Variants in KSR1 observed in about 807,000 individuals in gnomAD.
The protein encoded by KSR1 is kinase suppressor of ras 1, also known as kinase suppressor of ras.
A neutral mutation model predicts 92.9 loss-of-function variants in KSR1; 35 were observed. That is an observed-to-expected ratio of 0.38 (90% CI 0.29 to 0.50). KSR1 has a LOEUF of 0.50. Among genes scored for constraint, KSR1 ranks in the 20% least tolerant of loss-of-function variants. The probability of loss-of-function intolerance (pLI) is 0.94; values close to 1 mark genes in which losing one functional copy is unlikely to be tolerated. For missense variants in KSR1, 972 were observed against 1,158.5 expected (o/e 0.84, Z 2.34); for synonymous variants, 467 against 472.6 (o/e 0.99, Z 0.15).
chr17:27,576,661 G>A (rs757683312), intron 2 of KSR1, among the ~76,000 whole-genome samples: 43 of 152,190 alleles, frequency 2.8e-4, no homozygotes, highest in Non-Finnish European at 6.0e-4. Context: ...CGTCTCCGGT[G>A]GGATGGAGCT....
intron 1 of KSR1, among the ~76,000 whole-genome samples, chr17:27,542,331 G>T (rs974461120): frequency 1.2e-4 from 18 of 152,150 alleles, no homozygotes; most frequent in Non-Finnish European, 2.4e-4. Context: ...CTGTGCCTTG[G>T]ATTCATTTAC....
intron 6 of KSR1, among the ~76,000 whole-genome samples, chr17:27,589,676 C>G (rs2073096487): frequency 6.6e-6 from 1 of 152,206 alleles, no homozygotes; most frequent in Admixed American, 6.5e-5. Flanking sequence ...TATTTCTGCT[C>G]TTAGGCCTCC....
chr17:27,482,340 G>A (rs1164779365), intron 1 of KSR1, among the ~76,000 whole-genome samples: 2 of 152,202 alleles, frequency 1.3e-5, no homozygotes, highest in Non-Finnish European at 2.9e-5. Context: ...GCAAGGAGAA[G>A]CCCCCATCTT....
chr17:27,490,545 C>T (rs534920639), intron 1 of KSR1, among the ~76,000 whole-genome samples: 17 of 151,916 alleles, frequency 1.1e-4, no homozygotes, highest in Non-Finnish European at 1.9e-4. Context: ...GTAGGAGGAT[C>T]AGGGGTGGGG....
intron 1 of KSR1, among the ~76,000 whole-genome samples, chr17:27,473,450 G>T (rs1162265396): frequency 6.6e-6 from 1 of 152,226 alleles, no homozygotes; most frequent in Non-Finnish European, 1.5e-5. Flanking sequence ...GCCATTCGCA[G>T]AAAGGAGGCT....
intron 19 of KSR1, 140 bp from the exon 20 acceptor site, chr17:27,621,053 G>A (rs1283994596): frequency 5.0e-6 from 2 of 396,912 alleles, no homozygotes; most frequent in Non-Finnish European, 8.9e-6. Context: ...TTCGGGGGGT[G>A]GCGGATGTGC....
intron 2 of KSR1, among the ~76,000 whole-genome samples, chr17:27,558,980 G>A (rs143838397): frequency 6.6e-6 from 1 of 152,314 alleles, no homozygotes; most frequent in Admixed American, 6.5e-5. Flanking sequence ...GTTTGTGTGT[G>A]CAGCCGTCTG....
intron 17 of KSR1, chr17:27,611,240 G>C (rs2073907239): frequency 2.0e-6 from 1 of 496,770 alleles, no homozygotes; most frequent in East Asian, 3.4e-5. Context: ...TTTGTGCTGA[G>C]GTCAGAATGA....
Position 27,592,645 on chromosome 17 carries a change from G to T in KSR1, c.1299+19G>T. ...AAAGAAGGTACGCTGGGTAATGCTG[G>T]GGAGGACGCCCTTCTGCCACTGGCC... is the stretch of plus-strand genomic sequence containing the variant. On this transcript the variant is annotated intron_variant, in intron 9 of 20. Transcript: ENST00000644974. The T allele has an allele frequency of 6.2e-7, 1 of 1,602,322 alleles. No homozygotes were observed. Among genetic ancestry groups the T allele is most frequent in the East Asian group, 2.2e-5 (1 of 44,690 alleles).
chr17:27,536,086 A>G (rs934035914), intron 1 of KSR1, among the ~76,000 whole-genome samples: 1 of 152,240 alleles, frequency 6.6e-6, no homozygotes, highest in Non-Finnish European at 1.5e-5. Context: ...GTTGGCAAGC[A>G]TAGGGTTCCC....
intron 1 of KSR1, among the ~76,000 whole-genome samples, chr17:27,499,487 G>T (rs2069103271): frequency 6.6e-6 from 1 of 152,252 alleles, no homozygotes; most frequent in Non-Finnish European, 1.5e-5. Context: ...AGTCTGCTAA[G>T]GCTGGGCTTC....
At chr17:27,606,194 G>A (rs1241948706) in intron 14 of KSR1, among the ~76,000 whole-genome samples, 1 of 152,126 alleles carries the variant, frequency 6.6e-6, no homozygotes, top group Non-Finnish European at 1.5e-5. Context: ...CAGGAGGATC[G>A]CTTGAGCCCA....
chr17:27,462,846 T>G (rs540933105), intron 1 of KSR1, among the ~76,000 whole-genome samples: 2 of 152,356 alleles, frequency 1.3e-5, no homozygotes, highest in African/African-American at 4.8e-5. Context: ...AATGTACATG[T>G]GTATATTTGT....
At chr17:27,466,820 G>A (rs1276878710) in intron 1 of KSR1, among the ~76,000 whole-genome samples, 1 of 152,248 alleles carries the variant, frequency 6.6e-6, no homozygotes, top group African/African-American at 2.4e-5. Flanking sequence ...CTCTAGGTGC[G>A]CTGGAGTCGA....
intron 1 of KSR1, among the ~76,000 whole-genome samples, chr17:27,487,875 C>T (rs1250289102): frequency 6.6e-6 from 1 of 152,130 alleles, no homozygotes; most frequent in Non-Finnish European, 1.5e-5. Context: ...CTTGCTTGAA[C>T]TAATAGTGTG....
intron 2 of KSR1, among the ~76,000 whole-genome samples, chr17:27,551,895 G>A (rs2151092889): frequency 6.6e-6 from 1 of 152,300 alleles, no homozygotes; most frequent in Non-Finnish European, 1.5e-5. Context: ...ACCTAGAAAG[G>A]TGACTTGGAT....
chr17:27,612,363 T>A (rs1022479644), intron 18 of KSR1, among the ~76,000 whole-genome samples: 1 of 152,254 alleles, frequency 6.6e-6, no homozygotes, highest in Admixed American at 6.5e-5. Flanking sequence ...AAGAGTGATG[T>A]CAGTCCAAGG....
At chr17:27,501,666 T>G (rs925306632) in intron 1 of KSR1, among the ~76,000 whole-genome samples, 2 of 152,184 alleles carry the variant, frequency 1.3e-5, no homozygotes, top group Non-Finnish European at 2.9e-5. Context: ...GCCTGGCTAA[T>G]TTTTGCATTT....
chr17:27,549,242 G>C (rs534574174), intron 1 of KSR1, among the ~76,000 whole-genome samples: 1 of 152,256 alleles, frequency 6.6e-6, no homozygotes, highest in African/African-American at 2.4e-5. Context: ...TATTTTGGGG[G>C]GACACTTGGA....
Sources: allele counts gnomAD v4.1 joint callset (sites outside exome capture counted in the v4.1 genomes callset), GRCh38; gene constraint gnomAD v4.1.1; transcripts MANE v1.5; gene names NCBI Gene and HGNC (gene_info 2026-07-23, HGNC 2026-07-21).